Variants in BCO1 observed in about 807,000 individuals in gnomAD.
The protein encoded by BCO1 is beta,beta-carotene 15,15'-dioxygenase.
A neutral mutation model predicts 56.3 loss-of-function variants in BCO1; 54 were observed. That is an observed-to-expected ratio of 0.96 (90% CI 0.77 to 1.20). BCO1 has a LOEUF of 1.20. BCO1 is among the 50% of genes most tolerant of loss of function. The pLI, the probability that BCO1 is intolerant of heterozygous loss-of-function variation, is 0.00. For synonymous variants in BCO1, 318 were observed against 266.1 expected (o/e 1.20, Z -1.90); for missense variants, 801 against 690.9 (o/e 1.16, Z -1.79).
intron 2 of BCO1, among the ~76,000 whole-genome samples, chr16:81,255,982 T>TG (rs1224218279): frequency 4.6e-5 from 7 of 150,568 alleles, no homozygotes; most frequent in Non-Finnish European, 8.9e-5. Flanking sequence ...CCGGCTAATT[T>TG]TTTTTGTATT....
intron 8 of BCO1, among the ~76,000 whole-genome samples, chr16:81,281,167 C>T (rs888581790): frequency 1.3e-5 from 2 of 152,124 alleles, no homozygotes; most frequent in Non-Finnish European, 2.9e-5. Flanking sequence ...TGGGTGAGGC[C>T]AGGCACGGTG....
At chr16:81,259,885 C>G (rs1015945303) in intron 3 of BCO1, 80 bp downstream of exon 3, 2 of 1,561,614 alleles carry the variant, frequency 1.3e-6, no homozygotes, top group East Asian at 2.2e-5. Flanking sequence ...ATTTGCTCCT[C>G]TGACAATTCT....
At chr16:81,280,734 T>C (rs928463401) in intron 7 of BCO1, 123 bp from the exon 8 acceptor site, 7 of 738,784 alleles carry the variant, frequency 9.5e-6, no homozygotes, top group Admixed American at 2.2e-5. Context: ...CTTCCTATGA[T>C]TAATGTGAGG....
At chr16:81,286,015 CTTCT>C (rs1283649810) in intron 9 of BCO1, among the ~76,000 whole-genome samples, 1 of 151,068 alleles carries the variant, frequency 6.6e-6, no homozygotes, top group Non-Finnish European at 1.5e-5. Context: ...ATTTATTTTG[CTTCT>C]TTTTTTGTTT....
intron 7 of BCO1, among the ~76,000 whole-genome samples, chr16:81,274,690 C>T (rs1216711184): frequency 6.6e-6 from 1 of 152,164 alleles, no homozygotes; most frequent in African/African-American, 2.4e-5. Context: ...CCAGCCTGGC[C>T]AACAAGGTGA....
chr16:81,238,813 C>T lies in BCO1; in HGVS notation c.-96C>T. The T allele has an allele frequency of 9.5e-7, 1 of 1,047,402 alleles. No homozygotes were observed. Among genetic ancestry groups the T allele is most frequent in the Non-Finnish European group, 1.5e-6 (1 of 666,628 alleles). 64.9% of individuals were successfully genotyped at this position (1,047,402 alleles called of 1,614,324 possible). The stretch of plus-strand genomic sequence containing the variant: ...GTGAAGGAGGGAAGGAGCAGGAGAG[C>T]AGGAAGGAAACGCAGGAGGAGGGAG... On this transcript the variant is annotated 5_prime_UTR_variant, in exon 1 of 11. Transcript: ENST00000258168.
rs73599381 is a variant in BCO1, at chr16:81,259,002, G to T, written c.194-674G>T. Reference sequence around the variant, plus strand: ...CAGATGTTGCATGAACTAATAGAGTGAGAACTCACTCATCACCAGAACAAC... The same window carrying T: ...CAGATGTTGCATGAACTAATAGAGTTAGAACTCACTCATCACCAGAACAAC... On this transcript the variant is annotated intron_variant, in intron 2 of 10. Transcript: ENST00000258168. 5.8e-3 allele frequency among the ~76,000 whole-genome samples: 887 copies of T among 152,194 alleles called. 12 individuals are homozygous for T. The highest frequency in any genetic ancestry group is 0.02 in the African/African-American group (834 of 41,508).
At chr16:81,245,889 T>G (rs1905383553) in intron 2 of BCO1, among the ~76,000 whole-genome samples, 1 of 135,058 alleles carries the variant, frequency 7.4e-6, no homozygotes. Context: ...TGAGACGGAG[T>G]TTTGCTCTTG....
intron 10 of BCO1, among the ~76,000 whole-genome samples, chr16:81,287,801 C>T (rs1357048787): frequency 2.6e-5 from 4 of 152,142 alleles, no homozygotes; most frequent in African/African-American, 9.7e-5. Flanking sequence ...CAAGTAGAGT[C>T]ACAGATAGCA....
chr16:81,267,640 C>G (rs929298618), intron 5 of BCO1, among the ~76,000 whole-genome samples: 48 of 152,168 alleles, frequency 3.2e-4, no homozygotes, highest in African/African-American at 1.1e-3. Context: ...CAGGATTTAG[C>G]CCCCAGGCTA....
chr16:81,280,269 C>CAAAAAAA (rs58607661), intron 7 of BCO1, among the ~76,000 whole-genome samples: 1 of 36,904 alleles, frequency 2.7e-5, no homozygotes, highest in African/African-American at 8.6e-5. Flanking sequence ...GACTCCATCT[C>CAAAAAAA]AAAAAAAAAA....
chr16:81,279,449 A>T (rs1907741212), intron 7 of BCO1, among the ~76,000 whole-genome samples: 1 of 152,208 alleles, frequency 6.6e-6, no homozygotes, highest in African/African-American at 2.4e-5. Context: ...AAGTGATAGT[A>T]GTAGTAGTAT....
At chr16:81,261,335 C>A (rs1597357626) in intron 3 of BCO1, among the ~76,000 whole-genome samples, 1 of 152,180 alleles carries the variant, frequency 6.6e-6, no homozygotes, top group Non-Finnish European at 1.5e-5. Context: ...TTTGAGTATA[C>A]CTTCTGATCA....
At chr16:81,268,310 G>A (rs1567456302) in intron 6 of BCO1, among the ~76,000 whole-genome samples, 179 bp downstream of exon 6, 1 of 152,164 alleles carries the variant, frequency 6.6e-6, no homozygotes, top group Non-Finnish European at 1.5e-5. Flanking sequence ...ATGGCCCCCA[G>A]GCCTTTGTAC....
Position 81,290,729 on chromosome 16 carries a change from T to A in BCO1, c.*152T>A. The stretch of plus-strand genomic sequence containing the variant: ...GGCATGGCAAGAGAGCTTGTCAGTA[T>A]CATTTCTTTCATTTTATTTTGGCTG... On this transcript the variant is annotated 3_prime_UTR_variant, in exon 11 of 11. Transcript: ENST00000258168. 3.2e-6 allele frequency: 2 copies of A among 619,838 alleles called. No individual in the cohort carries two copies. The highest frequency in any genetic ancestry group is 4.3e-5 in the South Asian group (2 of 46,508). The allele number at this position is 619,838 out of a possible 1,614,324, so 38.4% of individuals were successfully genotyped here.
intron 2 of BCO1, among the ~76,000 whole-genome samples, chr16:81,255,359 T>G (rs1906066286): frequency 6.6e-6 from 1 of 152,206 alleles, no homozygotes; most frequent in African/African-American, 2.4e-5. Flanking sequence ...CTCAATTTTA[T>G]TAGCTGGGAA....
rs373891808 is a variant in BCO1 at position 81,244,081 on chromosome 16, C to G, written c.65-1394C>G. Among the ~76,000 whole-genome samples, 3 of 152,362 alleles carry G rather than the reference C, an allele frequency of 2.0e-5. No homozygotes were observed. The East Asian group carries it at 5.8e-4, about 29-fold the overall frequency. ...CATTACCTATCCGAGGTGCTTCCTG[C>G]TCTTCCTGCATGTAGGCAAAGCCTG... On this transcript the variant is annotated intron_variant, in intron 1 of 10. Coordinates refer to ENST00000258168, the MANE Select transcript of BCO1 (RefSeq NM_017429.3).
chr16:81,249,557 C>T (rs371942541), intron 2 of BCO1, among the ~76,000 whole-genome samples: 41 of 151,830 alleles, frequency 2.7e-4, no homozygotes, highest in Admixed American at 3.9e-4. Context: ...TGCCCGGCCC[C>T]GGCTAGGTTT....
At chr16:81,248,737 C>T (rs1299813347) in intron 2 of BCO1, among the ~76,000 whole-genome samples, 1 of 152,128 alleles carries the variant, frequency 6.6e-6, no homozygotes, top group African/African-American at 2.4e-5. Flanking sequence ...GGTGGCCGGG[C>T]GCGGTGGCTC....
Sources: allele counts gnomAD v4.1 joint callset (sites outside exome capture counted in the v4.1 genomes callset), GRCh38; gene constraint gnomAD v4.1.1; transcripts MANE v1.5; gene names NCBI Gene and HGNC (gene_info 2026-07-23, HGNC 2026-07-21).